KIF5C: variants seen among roughly 807,000 people sequenced by gnomAD.
KIF5C encodes kinesin family member 5C, also known as kinesin heavy chain isoform 5C.
Under a neutral mutation model 125.2 loss-of-function variants are expected in KIF5C, and 18 were observed. The observed-to-expected ratio is 0.14, with a 90% CI of 0.10 to 0.21. The LOEUF (loss-of-function observed/expected upper bound fraction) is 0.21. Ranked by LOEUF, KIF5C falls within the 10% of genes least tolerant of loss-of-function variation. The pLI, the probability that KIF5C is intolerant of heterozygous loss-of-function variation, is 1.00. For missense variants in KIF5C, 780 were observed against 1,183.8 expected (o/e 0.66, Z 5.01); for synonymous variants, 405 against 434.0 (o/e 0.93, Z 0.83).
intron 6 of KIF5C, 82 bp from the exon 7 acceptor site, chr2:148,942,591 A>G (rs1682433175): frequency 6.5e-7 from 1 of 1,541,810 alleles, no homozygotes; most frequent in Admixed American, 2.0e-5. Flanking sequence ...TCTAGAAGAT[A>G]AACAGGAAAA....
chr2:149,002,649 G>A (rs577971089), intron 21 of KIF5C, among the ~76,000 whole-genome samples: 5 of 152,134 alleles, frequency 3.3e-5, no homozygotes, highest in East Asian at 1.9e-4. Context: ...ACACCCACAC[G>A]CATGTTCACA....
chr2:148,966,245 A>G (rs925819304), intron 11 of KIF5C, among the ~76,000 whole-genome samples: 5 of 152,162 alleles, frequency 3.3e-5, no homozygotes, highest in Non-Finnish European at 5.9e-5. Context: ...CTCCTGGGAA[A>G]AAGATTTCTT....
At chr2:148,995,821 C>T (rs1681653045) in intron 17 of KIF5C, among the ~76,000 whole-genome samples, 1 of 152,136 alleles carries the variant, frequency 6.6e-6, no homozygotes, top group Non-Finnish European at 1.5e-5. Context: ...GTGAAAATCA[C>T]AATATATCAT....
chr2:149,000,567 A>G (rs751875426), intron 20 of KIF5C, 43 bp downstream of exon 20: 2 of 1,550,460 alleles, frequency 1.3e-6, no homozygotes, highest in African/African-American at 2.7e-5. Context: ...TCTCATCCCC[A>G]TGATATTCTG....
chr2:148,929,272 T>C lies in KIF5C; in HGVS notation c.218-9T>C, dbSNP rs1318364014. The C allele has an allele frequency of 6.6e-7, 1 of 1,522,208 alleles. No individual in the cohort carries two copies. The allele number at this position is 1,522,208 out of a possible 1,614,324, so 94.3% of individuals were successfully genotyped here. On this transcript the variant is annotated splice_polypyrimidine_tract_variant and intron_variant, in intron 2 of 25. Transcript: ENST00000435030. ...TGAGTTAATTTTAATTTCTTTTTCT[T>C]GTTCACAGATGTCCTTGAAGGTTAT...
intron 1 of KIF5C, among the ~76,000 whole-genome samples, chr2:148,882,006 T>C (rs1468666726): frequency 3.3e-4 from 50 of 152,200 alleles, no homozygotes; most frequent in Admixed American, 3.3e-3. Context: ...TCTAATTTTG[T>C]GGCTGAGAAA....
At chr2:148,890,242 A>G (rs1385225829) in intron 1 of KIF5C, among the ~76,000 whole-genome samples, 3 of 152,376 alleles carry the variant, frequency 2.0e-5, no homozygotes, top group South Asian at 2.1e-4. Context: ...CAAAGAAAAA[A>G]GGAAAGATGG....
intron 1 of KIF5C, among the ~76,000 whole-genome samples, chr2:148,913,966 G>A (rs1052548988): frequency 1.3e-5 from 2 of 152,098 alleles, no homozygotes; most frequent in African/African-American, 4.8e-5. Flanking sequence ...CAGAGAACCC[G>A]GAGCTCTCTC....
chr2:148,914,582 C>T (rs1309534665), intron 1 of KIF5C, among the ~76,000 whole-genome samples: 1 of 152,236 alleles, frequency 6.6e-6, no homozygotes, highest in Non-Finnish European at 1.5e-5. Context: ...TGTGTGTTGC[C>T]TTTGTTCCTT....
intron 1 of KIF5C, among the ~76,000 whole-genome samples, chr2:148,898,821 A>AG (rs1230664238): frequency 6.6e-6 from 1 of 152,356 alleles, no homozygotes; most frequent in Non-Finnish European, 1.5e-5. Context: ...AATTTCTGTT[A>AG]ATTTTTTATA....
At chr2:148,955,336 G>A (rs1682766229) in intron 10 of KIF5C, among the ~76,000 whole-genome samples, 1 of 152,132 alleles carries the variant, frequency 6.6e-6, no homozygotes, top group Admixed American at 6.6e-5. Context: ...AATATGCTTA[G>A]CACTTACAAT....
chr2:148,997,372 G>A, intron 18 of KIF5C, 32 bp downstream of exon 18: 1 of 1,613,742 alleles, frequency 6.2e-7, no homozygotes, highest in Non-Finnish European at 8.5e-7. Context: ...ATCAAGCCCA[G>A]TGTGCATTTG....
chr2:148,910,849 C>T (rs1681306659), intron 1 of KIF5C, among the ~76,000 whole-genome samples: 1 of 152,174 alleles, frequency 6.6e-6, no homozygotes, highest in Admixed American at 6.5e-5. Context: ...ATAGTTGAGA[C>T]ACAAAATGAG....
chr2:149,004,371 C>G (rs942177657), intron 21 of KIF5C, among the ~76,000 whole-genome samples: 5 of 152,166 alleles, frequency 3.3e-5, no homozygotes, highest in South Asian at 2.1e-4. Flanking sequence ...GAATTTAGCT[C>G]TCTCCTCTTC....
intron 8 of KIF5C, 129 bp from the exon 9 acceptor site, chr2:148,949,710 G>A: frequency 7.7e-7 from 1 of 1,294,614 alleles, no homozygotes; most frequent in Non-Finnish European, 1.0e-6. Flanking sequence ...ATCACTGTGG[G>A]TCTTCTCTAC....
In KIF5C at chr2:148,897,124, C is replaced by T. The variant is rs1023114591; in HGVS notation, c.126+21381C>T. Among the ~76,000 whole-genome samples the T allele has an allele frequency of 3.9e-5, 6 of 152,300 alleles. No homozygotes were observed. The East Asian group carries it at 7.7e-4, about 20-fold the overall frequency. On this transcript the variant is annotated intron_variant, in intron 1 of 25. Coordinates refer to ENST00000435030, the MANE Select transcript of KIF5C (RefSeq NM_004522.3). ...CTAGGATTATAGGCATGAGCCACTG[C>T]GCCCGGCCAAGATCATGATTCATTT... is the stretch of plus-strand genomic sequence containing the variant.
rs565124242 is a variant in KIF5C at position 148,947,894 on chromosome 2, T to G, written c.714+871T>G. 28 of 456,756 alleles carry G rather than the reference T, an allele frequency of 6.1e-5. No homozygotes were observed. The East Asian group carries it at 1.9e-3, about 31-fold the overall frequency. 28.3% of individuals were successfully genotyped at this position (456,756 alleles called of 1,614,324 possible). A position where few individuals can be genotyped will look rare whatever the true frequency, so the allele number is the denominator to read the frequency against. Reference sequence around the variant, plus strand: ...TTGGTCAGTCTCCCTAACTGTATGATTGATCCCCACTTATTGCACTACATC... The same window carrying G: ...TTGGTCAGTCTCCCTAACTGTATGAGTGATCCCCACTTATTGCACTACATC... On this transcript the variant is annotated intron_variant, in intron 8 of 25. Coordinates refer to ENST00000435030, the MANE Select transcript of KIF5C (RefSeq NM_004522.3).
intron 12 of KIF5C, among the ~76,000 whole-genome samples, chr2:148,976,285 T>TTTATTTG (rs1558927695): frequency 7.7e-5 from 4 of 52,190 alleles, no homozygotes; most frequent in Non-Finnish European, 1.6e-4. Context: ...TTATTTATTT[T>TTTATTTG]TTGAGATGGA....
chr2:148,933,469 AAC>A (rs1163742531), intron 3 of KIF5C, among the ~76,000 whole-genome samples: 1 of 151,350 alleles, frequency 6.6e-6, no homozygotes, highest in African/African-American at 2.4e-5. Flanking sequence ...ATACATCGTA[AAC>A]ACACACACAG....
Sources: gnomAD v4.1 joint callset for allele counts (sites outside exome capture counted in the v4.1 genomes callset) on GRCh38, gnomAD v4.1.1 for gene constraint, MANE v1.5 for transcripts, NCBI Gene and HGNC (gene_info 2026-07-23, HGNC 2026-07-21) for gene names.